TASP1: variants seen among roughly 807,000 people sequenced by gnomAD.
TASP1 encodes taspase 1.
Under a neutral mutation model 56.6 loss-of-function variants are expected in TASP1, and 16 were observed. The observed-to-expected ratio is 0.28, with a 90% CI of 0.19 to 0.43. TASP1 has a LOEUF of 0.43. Among genes scored for constraint, TASP1 ranks in the 20% least tolerant of loss-of-function variants. TASP1 has a pLI of 1.00. For missense variants in TASP1, 393 were observed against 511.6 expected (o/e 0.77, Z 2.24); for synonymous variants, 179 against 184.2 (o/e 0.97, Z 0.23).
At chr20:13,182,501 T>A in the TASP1 span, among the ~76,000 whole-genome samples, 7 of 152,198 alleles carry the variant, frequency 4.6e-5, no homozygotes, top group Non-Finnish European at 8.8e-5. Flanking sequence ...GTTTTTACTC[T>A]TCTGTCATCC....
chr20:13,514,181 ATCT>A (rs1349811059), intron 10 of TASP1, among the ~76,000 whole-genome samples: 1 of 152,134 alleles, frequency 6.6e-6, no homozygotes, highest in African/African-American at 2.4e-5. Flanking sequence ...TCACTACATC[ATCT>A]TAGCAGATTT....
At chr20:13,265,428 G>A in the TASP1 span, among the ~76,000 whole-genome samples, 4 of 152,146 alleles carry the variant, frequency 2.6e-5, no homozygotes, top group African/African-American at 9.7e-5. Context: ...GATAGATTCA[G>A]TGTACATCAG....
chr20:13,521,128 A>T (rs1034797237), intron 10 of TASP1, among the ~76,000 whole-genome samples: 1 of 152,094 alleles, frequency 6.6e-6, no homozygotes, highest in Non-Finnish European at 1.5e-5. Context: ...GAAACAACAG[A>T]TGCTGGAGAG....
the TASP1 span, among the ~76,000 whole-genome samples, chr20:13,223,555 G>A: frequency 6.6e-6 from 1 of 152,144 alleles, no homozygotes; most frequent in Admixed American, 6.5e-5. Flanking sequence ...ACTAAAGCAA[G>A]GTGATTATTG....
the TASP1 span, among the ~76,000 whole-genome samples, chr20:13,344,922 C>T: frequency 6.6e-6 from 1 of 152,248 alleles, no homozygotes; most frequent in South Asian, 2.1e-4. Context: ...ATCGAAGGCC[C>T]TCAGGCTCCC....
At chr20:13,315,731 G>C in the TASP1 span, among the ~76,000 whole-genome samples, 1 of 151,776 alleles carries the variant, frequency 6.6e-6, no homozygotes, top group Non-Finnish European at 1.5e-5. Context: ...TATTCACCAG[G>C]ACAGACCACA....
the TASP1 span, among the ~76,000 whole-genome samples, chr20:13,120,633 T>C: frequency 6.6e-6 from 1 of 152,204 alleles, no homozygotes; most frequent in Non-Finnish European, 1.5e-5. Flanking sequence ...GAGTTTTATA[T>C]ATTAGCAACC....
chr20:13,602,099 G>A (rs1006366091), intron 4 of TASP1, among the ~76,000 whole-genome samples: 1 of 151,590 alleles, frequency 6.6e-6, no homozygotes, highest in East Asian at 1.9e-4. Flanking sequence ...CAGGATGGTC[G>A]TGATCTCCTG....
chr20:13,628,450 T>C (rs1479232363), intron 2 of TASP1, among the ~76,000 whole-genome samples: 1 of 152,222 alleles, frequency 6.6e-6, no homozygotes, highest in African/African-American at 2.4e-5. Context: ...TACTTTTAAC[T>C]GGATTATTTC....
At chr20:13,142,469 T>C in the TASP1 span, among the ~76,000 whole-genome samples, 13 of 152,344 alleles carry the variant, frequency 8.5e-5, no homozygotes, top group South Asian at 2.5e-3. Context: ...CACACTGGCC[T>C]TTGTTTTTCC....
intron 11 of TASP1, among the ~76,000 whole-genome samples, chr20:13,458,649 A>G (rs1392358704): frequency 6.6e-6 from 1 of 152,046 alleles, no homozygotes; most frequent in African/African-American, 2.4e-5. Flanking sequence ...CCCATAGTTA[A>G]GCTTAATTAT....
chr20:13,528,000 T>C (rs2045051897), intron 10 of TASP1, among the ~76,000 whole-genome samples: 1 of 151,908 alleles, frequency 6.6e-6, no homozygotes, highest in African/African-American at 2.4e-5. Flanking sequence ...GGAGGGCAGA[T>C]CACTTGAGGC....
the TASP1 span, among the ~76,000 whole-genome samples, chr20:13,253,857 A>G: frequency 7.0e-6 from 1 of 142,162 alleles, no homozygotes; most frequent in Non-Finnish European, 1.5e-5. Flanking sequence ...ATACACATCC[A>G]TATCCATATA....
the TASP1 span, among the ~76,000 whole-genome samples, chr20:13,119,108 G>A: frequency 2.0e-5 from 3 of 152,228 alleles, no homozygotes; most frequent in South Asian, 6.2e-4. Context: ...AGTAGGAGCA[G>A]AGGGTCTCAA....
the TASP1 span, among the ~76,000 whole-genome samples, chr20:13,332,711 T>C: frequency 3.3e-3 from 507 of 152,372 alleles, no homozygotes; most frequent in African/African-American, 0.012. Flanking sequence ...TAGATTATCC[T>C]ACCTTTTCCA....
intron 4 of TASP1, among the ~76,000 whole-genome samples, chr20:13,601,744 G>A (rs903087707): frequency 3.3e-5 from 5 of 151,954 alleles, no homozygotes; most frequent in East Asian, 1.9e-4. Context: ...CACTGTGTAA[G>A]GCATGTGATA....
the TASP1 span, among the ~76,000 whole-genome samples, chr20:13,152,305 G>GTTATTATATATA: frequency 6.6e-6 from 1 of 152,296 alleles, no homozygotes; most frequent in African/African-American, 2.4e-5. Context: ...ATATGGGTGA[G>GTTATTATATATA]CTATAATTAT....
the TASP1 span, among the ~76,000 whole-genome samples, chr20:13,138,503 AT>A: frequency 1.3e-5 from 2 of 152,120 alleles, no homozygotes; most frequent in African/African-American, 4.8e-5. Context: ...AGCCCTCCAA[AT>A]AGGTAGTGAT....
At chr20:13,157,851 T>C in the TASP1 span, among the ~76,000 whole-genome samples, 1 of 152,234 alleles carries the variant, frequency 6.6e-6, no homozygotes, top group Non-Finnish European at 1.5e-5. Flanking sequence ...GTTAATTGTA[T>C]AAGCCACTGT....
Sources: gnomAD v4.1 joint callset for allele counts (sites outside exome capture counted in the v4.1 genomes callset) on GRCh38, gnomAD v4.1.1 for gene constraint, MANE v1.5 for transcripts, NCBI Gene and HGNC (gene_info 2026-07-23, HGNC 2026-07-21) for gene names.